Variants in PDE7A observed in about 807,000 individuals in gnomAD.
PDE7A encodes phosphodiesterase 7A.
In PDE7A, 39 loss-of-function variants were observed where a neutral mutation model predicts 64.3. The ratio of observed to expected loss-of-function variants is 0.61; its 90% CI spans 0.47 to 0.79. PDE7A has a LOEUF of 0.79. PDE7A is among the 30% of genes least tolerant of loss of function. The pLI is 0.00. For missense variants in PDE7A, 470 were observed against 582.8 expected (o/e 0.81, Z 1.99); for synonymous variants, 203 against 206.8 (o/e 0.98, Z 0.16).
chr8:65,765,546 G>T (rs1808740524), intron 3 of PDE7A: 1 of 146,408 alleles, frequency 6.8e-6, no homozygotes, highest in Non-Finnish European at 1.5e-5. Context: ...ATGCTTACAT[G>T]GACTGGAACA....
intron 5 of PDE7A, among the ~76,000 whole-genome samples, chr8:65,742,277 G>A (rs1807474240): frequency 6.6e-6 from 1 of 152,212 alleles, no homozygotes; most frequent in African/African-American, 2.4e-5. Flanking sequence ...CTGGTTGGAA[G>A]GAGTAGGCCA....
chr8:65,740,994 C>T (rs1319868366), intron 5 of PDE7A, among the ~76,000 whole-genome samples: 1 of 152,180 alleles, frequency 6.6e-6, no homozygotes, highest in African/African-American at 2.4e-5. Flanking sequence ...AACGTCCACT[C>T]CTTTGTCACT....
chr8:65,815,780 GTAAC>G (rs746934633), intron 1 of PDE7A, among the ~76,000 whole-genome samples: 5 of 152,096 alleles, frequency 3.3e-5, no homozygotes, highest in East Asian at 1.9e-4. Flanking sequence ...ATCCTATGTT[GTAAC>G]TAACTTTTAC....
In PDE7A at chr8:65,779,698, C is replaced by T. The variant is rs1161612506; in HGVS notation, c.283+22G>A. ...AAATTTGTAGTGAAAATCCGAGAAA[C>T]TTCATGTCTACCAACACTTACAGTG... On this transcript the variant is annotated intron_variant, in intron 3 of 12. Transcript: ENST00000401827. 6 of 1,244,344 alleles carry T rather than the reference C, an allele frequency of 4.8e-6. No homozygotes were observed. In the South Asian group the frequency reaches 6.6e-5, roughly 14 times the overall value. 77.1% of individuals were successfully genotyped at this position (1,244,344 alleles called of 1,614,324 possible).
At position 65,821,612 on chromosome 8, in the gene PDE7A, A is replaced by G. The variant is rs1052655995; in HGVS notation, c.138+19759T>C. Among the ~76,000 whole-genome samples the G allele has an allele frequency of 4.6e-5, 7 of 152,182 alleles. No homozygotes were observed. The East Asian group carries it at 1.3e-3, about 29-fold the overall frequency. On this transcript the variant is annotated intron_variant, in intron 1 of 12. Coordinates refer to ENST00000401827, the MANE Select transcript of PDE7A (RefSeq NM_001242318.3). ...GAAGTGGTACCCCGACTCCCAAGCA[A>G]TATGTACCATAAATGTTCATTTTTA...
chr8:65,830,383 T>C (rs1286387621), intron 1 of PDE7A, among the ~76,000 whole-genome samples: 2 of 152,088 alleles, frequency 1.3e-5, no homozygotes, highest in Non-Finnish European at 2.9e-5. Context: ...TATTTTGTTG[T>C]TTTATGCATA....
chr8:65,810,047 CAT>C (rs1331878724), intron 1 of PDE7A, among the ~76,000 whole-genome samples: 1 of 152,188 alleles, frequency 6.6e-6, no homozygotes. Context: ...CACATGCACA[CAT>C]ATGTTTACTG....
intron 1 of PDE7A, among the ~76,000 whole-genome samples, chr8:65,785,677 A>G (rs1259785656): frequency 5.9e-5 from 9 of 152,232 alleles, no homozygotes; most frequent in Non-Finnish European, 1.0e-4. Context: ...TATCAGCTAA[A>G]GCAAATTAAT....
chr8:65,839,221 T>C (rs1811019256), intron 1 of PDE7A, among the ~76,000 whole-genome samples: 1 of 144,526 alleles, frequency 6.9e-6, no homozygotes, highest in Non-Finnish European at 1.5e-5. Flanking sequence ...ATGTCTTTTT[T>C]TTAAAAAAAA....
chr8:65,727,600 G>T (rs1296962737), intron 7 of PDE7A: 1 of 235,462 alleles, frequency 4.2e-6, no homozygotes, highest in Non-Finnish European at 8.1e-6. Flanking sequence ...AACATAAACC[G>T]TTCTTTTTGA....
At chr8:65,745,824 A>C (rs1197605207) in intron 4 of PDE7A, among the ~76,000 whole-genome samples, 1 of 152,256 alleles carries the variant, frequency 6.6e-6, no homozygotes, top group Non-Finnish European at 1.5e-5. Context: ...AATTGCAAAC[A>C]ATCTAATAAA....
rs1331881934 is a variant in PDE7A, at chr8:65,718,253, T to C, written c.*1037A>G. On this transcript the variant is annotated 3_prime_UTR_variant, in exon 13 of 13. Transcript: ENST00000401827. ...AAATCTTTGCCCACATGGAGAAACA[T>C]AACATGCACAGTCACACATGCACAA... 6.6e-6 allele frequency: 1 copy of C among 152,222 alleles called. No individual in the cohort carries two copies. Among genetic ancestry groups the C allele is most frequent in the Non-Finnish European group, 1.5e-5 (1 of 68,046 alleles). The allele number at this position is 152,222 out of a possible 1,614,324, so 9.4% of individuals were successfully genotyped here.
intron 9 of PDE7A, 57 bp downstream of exon 9, chr8:65,726,818 T>C: frequency 1.1e-6 from 1 of 883,244 alleles, no homozygotes; most frequent in Non-Finnish European, 1.9e-6. Context: ...TAAAATTACT[T>C]TGCCAACTTA....
chr8:65,793,474 TAA>T (rs1809754591), intron 1 of PDE7A, among the ~76,000 whole-genome samples: 1 of 126,170 alleles, frequency 7.9e-6, no homozygotes, highest in Non-Finnish European at 1.6e-5. Flanking sequence ...AATAAGTTTT[TAA>T]AGTTTCCTAA....
intron 3 of PDE7A, among the ~76,000 whole-genome samples, chr8:65,768,800 G>A (rs1246564635): frequency 6.6e-6 from 1 of 152,092 alleles, no homozygotes; most frequent in East Asian, 1.9e-4. Flanking sequence ...ATGTAAATAT[G>A]TATGATAAAT....
Position 65,813,542 on chromosome 8 carries a change from T to G in PDE7A, c.138+27829A>C, listed in dbSNP as rs138410891. On this transcript the variant is annotated intron_variant, in intron 1 of 12. Coordinates refer to ENST00000401827, the MANE Select transcript of PDE7A (RefSeq NM_001242318.3). ...GAAAATGATAGCTGATTTTCAAATTTTGACTTGAAAAATAAGACAAAAATA... is the reference window on the plus strand; with the variant it reads ...GAAAATGATAGCTGATTTTCAAATTGTGACTTGAAAAATAAGACAAAAATA... 2.6e-5 allele frequency among the ~76,000 whole-genome samples: 4 copies of G among 152,350 alleles called. 1 individual carries two copies. In the East Asian group the frequency reaches 7.7e-4, roughly 29 times the overall value.
chr8:65,766,710 T>A (rs1264366730), intron 3 of PDE7A, among the ~76,000 whole-genome samples: 2 of 152,224 alleles, frequency 1.3e-5, no homozygotes, highest in African/African-American at 4.8e-5. Context: ...GGCTACCCAT[T>A]GCTCATTGTT....
intron 12 of PDE7A, chr8:65,719,895 GA>G (rs1285456416): frequency 1.8e-5 from 4 of 226,754 alleles, no homozygotes; most frequent in Non-Finnish European, 3.6e-5. Context: ...CTTCAGGACT[GA>G]GGGTGATGTG....
chr8:65,839,222 T>TA lies in PDE7A; in HGVS notation c.138+2148_138+2149insT, dbSNP rs1286066801. Among the ~76,000 whole-genome samples, 58 of 144,478 alleles carry TA rather than the reference T, an allele frequency of 4.0e-4. 1 individual carries two copies. Among genetic ancestry groups the TA allele is most frequent in the Admixed American group, 1.8e-3 (27 of 14,876 alleles). 94.8% of individuals were successfully genotyped at this position (144,478 alleles called of 152,430 possible). ...AACTATTTTACTTAATGTCTTTTTT[T>TA]TAAAAAAAAAAGGGTTTTTTTTCCT... On this transcript the variant is annotated intron_variant, in intron 1 of 12. Coordinates refer to ENST00000401827, the MANE Select transcript of PDE7A (RefSeq NM_001242318.3).
Sources: allele counts gnomAD v4.1 joint callset (sites outside exome capture counted in the v4.1 genomes callset), GRCh38; gene constraint gnomAD v4.1.1; transcripts MANE v1.5; gene names NCBI Gene and HGNC (gene_info 2026-07-23, HGNC 2026-07-21).